The following CTRB1 variants were observed in gnomAD, a reference collection of about 807,000 sequenced individuals.
CTRB1 encodes chymotrypsinogen B1, also known as chymotrypsinogen B.
A neutral mutation model predicts 20.4 loss-of-function variants in CTRB1; 15 were observed. The observed-to-expected ratio is 0.74, with a 90% confidence interval of 0.49 to 1.13. The LOEUF (loss-of-function observed/expected upper bound fraction) is 1.13, where lower values mean the gene tolerates loss of function less well. CTRB1 is among the 50% of genes most tolerant of loss of function. The pLI is 0.00. For missense variants in CTRB1, 227 were observed against 290.1 expected (o/e 0.78, Z 1.58); for synonymous variants, 92 against 128.4 (o/e 0.72, Z 1.92).
chr16:75,224,663 T>C (rs1597133622), intron 6 of CTRB1, 42 bp from the exon 7 acceptor site: 2 of 1,576,678 alleles, frequency 1.3e-6, no homozygotes, highest in Non-Finnish European at 1.7e-6. Context: ...GACCAGTCTG[T>C]CTCGGCTGCC....
intron 1 of CTRB1, among the ~76,000 whole-genome samples, chr16:75,219,386 CCTTT>C (rs1053508276): frequency 1.3e-4 from 20 of 151,992 alleles, no homozygotes; most frequent in South Asian, 4.2e-4. Context: ...GCATTTTCTT[CCTTT>C]CTTTCTTTTT....
chr16:75,222,501 G>T, intron 1 of CTRB1: 1 of 542,906 alleles, frequency 1.8e-6, no homozygotes, highest in East Asian at 3.0e-5. Flanking sequence ...AGCCCGGCCT[G>T]TTTTCTGCTT....
intron 1 of CTRB1, 66 bp from the exon 2 acceptor site, chr16:75,222,702 C>T (rs1026649466): frequency 6.7e-7 from 1 of 1,493,194 alleles, no homozygotes; most frequent in Admixed American, 2.1e-5. Flanking sequence ...GGGAGAGCTG[C>T]ACGCAGGCAG....
chr16:75,222,686 A>G, intron 1 of CTRB1, 82 bp from the exon 2 acceptor site: 1 of 1,439,568 alleles, frequency 6.9e-7, no homozygotes, highest in Non-Finnish European at 9.4e-7. Flanking sequence ...GGACTGGGGT[A>G]GAACCGGGAG....
chr16:75,221,153 C>A (rs2039078063), intron 1 of CTRB1, among the ~76,000 whole-genome samples: 1 of 140,248 alleles, frequency 7.1e-6, no homozygotes, highest in Non-Finnish European at 1.5e-5. Flanking sequence ...AATATGACCC[C>A]AGAAGGGGAC....
intron 1 of CTRB1, among the ~76,000 whole-genome samples, chr16:75,220,687 T>G (rs1322311298): frequency 6.6e-6 from 1 of 152,254 alleles, no homozygotes; most frequent in East Asian, 1.9e-4. Context: ...GACGTGGAGT[T>G]TCAGCTCATT....
Position 75,222,412 on chromosome 16 carries a change from G to A in CTRB1, c.53-356G>A, listed in dbSNP as rs549717644. On this transcript the variant is annotated intron_variant, in intron 1 of 6. Coordinates refer to ENST00000361017, the MANE Select transcript of CTRB1 (RefSeq NM_001906.6). Reference sequence around the variant, plus strand: ...CCTTTTTATAGCTGAGGACACCAAGGCCTGAGTGCTGCCCTGCCCGGTCTA... The same window carrying A: ...CCTTTTTATAGCTGAGGACACCAAGACCTGAGTGCTGCCCTGCCCGGTCTA... 9.8e-5 allele frequency among the ~76,000 whole-genome samples: 15 copies of A among 152,330 alleles called. No homozygotes were observed. In the South Asian group the frequency reaches 3.1e-3, roughly 32 times the overall value.
At chr16:75,224,302 G>T in intron 6 of CTRB1, 114 bp downstream of exon 6, 3 of 1,536,866 alleles carry the variant, frequency 2.0e-6, no homozygotes, top group Non-Finnish European at 1.8e-6. Context: ...GGGTGTCAGA[G>T]TCGCCTTGTT....
chr16:75,222,135 A>G lies in CTRB1; in HGVS notation c.53-633A>G, dbSNP rs186813684. ...ATGATGACACCACGGCACTCCAGCCAGGGTGACAGAGCAAGACCCTAACTG... is the reference window on the plus strand; with the variant it reads ...ATGATGACACCACGGCACTCCAGCCGGGGTGACAGAGCAAGACCCTAACTG... On this transcript the variant is annotated intron_variant, in intron 1 of 6. Transcript: ENST00000361017. 4.0e-5 allele frequency among the ~76,000 whole-genome samples: 6 copies of G among 149,380 alleles called. No homozygotes were observed. The East Asian group carries it at 1.0e-3, about 25-fold the overall frequency.
Position 75,218,988 on chromosome 16 carries a change from A to C in CTRB1, c.-20A>C, listed in dbSNP as rs762506069. On this transcript the variant is annotated 5_prime_UTR_variant, in exon 1 of 7. Transcript: ENST00000361017. Reference sequence around the variant, plus strand: ...AGGGGCCCCGCAGCTGGCAGGCCCCACACCTTCTGAGGCAGCGGCATGGCT... The same window carrying C: ...AGGGGCCCCGCAGCTGGCAGGCCCCCCACCTTCTGAGGCAGCGGCATGGCT... 6.4e-7 allele frequency: 1 copy of C among 1,573,330 alleles called. No homozygotes were observed. The highest frequency in any genetic ancestry group is 1.2e-5 in the South Asian group (1 of 85,984).
At chr16:75,220,583 C>T (rs1051602019) in intron 1 of CTRB1, among the ~76,000 whole-genome samples, 12 of 152,162 alleles carry the variant, frequency 7.9e-5, no homozygotes, top group Admixed American at 6.5e-5. Flanking sequence ...GTGTGAGCCA[C>T]TGTGCCTGGC....
intron 1 of CTRB1, among the ~76,000 whole-genome samples, chr16:75,219,407 T>A (rs531353704): frequency 2.0e-5 from 3 of 151,884 alleles, no homozygotes. Flanking sequence ...TTTTTTTTTT[T>A]CGAGACAGAA....
chr16:75,221,560 A>C lies in CTRB1; in HGVS notation c.53-1208A>C, dbSNP rs575688521. On this transcript the variant is annotated intron_variant, in intron 1 of 6. Coordinates refer to ENST00000361017, the MANE Select transcript of CTRB1 (RefSeq NM_001906.6). The stretch of plus-strand genomic sequence containing the variant: ...TTTTTAGTAGAGATGGGGTTTTACT[A>C]TGTTGGCCAGGCTGGTCTTAAATTC... 9.9e-5 allele frequency among the ~76,000 whole-genome samples: 15 copies of C among 152,002 alleles called. No homozygotes were observed. The South Asian group carries it at 3.1e-3, about 32-fold the overall frequency.
At chr16:75,220,664 C>T (rs1022971228) in intron 1 of CTRB1, among the ~76,000 whole-genome samples, 1 of 152,256 alleles carries the variant, frequency 6.6e-6, no homozygotes, top group Non-Finnish European at 1.5e-5. Flanking sequence ...AATCTTCTCA[C>T]TTCCTGCATG....
chr16:75,219,119 G>T (rs2039042530), intron 1 of CTRB1, 60 bp downstream of exon 1: 3 of 1,519,080 alleles, frequency 2.0e-6, no homozygotes, highest in Non-Finnish European at 2.7e-6. Context: ...CTGAGAGGGG[G>T]ATCTGAGTCC....
chr16:75,219,201 G>T, intron 1 of CTRB1, 142 bp downstream of exon 1: 1 of 793,472 alleles, frequency 1.3e-6, no homozygotes, highest in Non-Finnish European at 2.0e-6. Context: ...GCATTCTGGG[G>T]CTTTCTGAGC....
In CTRB1 at chr16:75,224,814, C is replaced by G; in HGVS notation, c.740C>G (p.Ala247Gly). Reference protein sequence around the residue: ...TCSTSSPGVYARVTKLIPWVQ... With the variant: ...TCSTSSPGVYGRVTKLIPWVQ... Reference sequence around the variant, plus strand: ...TCCACCTCCAGCCCTGGCGTGTACGCCCGTGTCACCAAGCTCATACCTTGG... The same window carrying G: ...TCCACCTCCAGCCCTGGCGTGTACGGCCGTGTCACCAAGCTCATACCTTGG... The change falls in exon 7 of 7, where the codon GCC becomes GGC. Residue 247 changes from alanine (A) to glycine (G), a missense_variant. By Grantham distance (60) the Ala-to-Gly change is moderately conservative (BLOSUM62 0). Transcript: ENST00000361017. 6.2e-7 allele frequency: 1 copy of G among 1,613,998 alleles called. No homozygotes were observed. Among genetic ancestry groups the G allele is most frequent in the South Asian group, 1.1e-5 (1 of 91,090 alleles).
chr16:75,219,035 T>G lies in CTRB1; in HGVS notation c.28T>G (p.Phe10Val). ...GGCTTCCCTCTGGCTCCTCTCCTGC[T>G]TCTCCCTTGTGGGGGCCGCCTTTGG... MASLWLLSCFSLVGAAFGCG... is the reference protein window; with the variant it reads MASLWLLSCVSLVGAAFGCG... The change falls in exon 1 of 7, where the codon TTC becomes GTC. Residue 10 changes from phenylalanine (F) to valine (V), a missense_variant. Physicochemically the swap from Phe to Val is conservative, Grantham distance 50. This residue lies in a region of CTRB1 where 71 missense variants were observed against 69.1 expected (regional missense o/e 1.03). Transcript: ENST00000361017. 1 of 1,593,812 alleles carries G rather than the reference T, an allele frequency of 6.3e-7. No homozygotes were observed. The highest frequency in any genetic ancestry group is 1.1e-5 in the South Asian group (1 of 87,756).
chr16:75,224,602 G>A, intron 6 of CTRB1, 103 bp from the exon 7 acceptor site: 3 of 1,309,766 alleles, frequency 2.3e-6, no homozygotes, highest in Non-Finnish European at 3.1e-6. Context: ...AGCCTTTGCT[G>A]TGTGTGGGGT....
Sources: gnomAD v4.1 joint callset for allele counts (sites outside exome capture counted in the v4.1 genomes callset) on GRCh38, gnomAD v4.1.1 for gene constraint, gnomAD v4.1.1 regional missense constraint, MANE v1.5 for transcripts, NCBI Gene and HGNC (gene_info 2026-07-23, HGNC 2026-07-21) for gene names.